The following MATR3 variants were observed in gnomAD, a reference collection of about 807,000 sequenced individuals.
MATR3 encodes the protein matrin-3.
MATR3 carries 4 observed loss-of-function variants against 85.5 expected under a neutral mutation model. That is an observed-to-expected ratio of 0.05 (90% CI 0.02 to 0.11). The LOEUF is 0.11. Among genes scored for constraint, MATR3 ranks in the 10% least tolerant of loss-of-function variants. The pLI, the probability that MATR3 is intolerant of heterozygous loss-of-function variation, is 1.00. For synonymous variants in MATR3, 336 were observed against 343.1 expected (o/e 0.98, Z 0.23); for missense variants, 685 against 1,016.1 (o/e 0.67, Z 4.43).
upstream of MATR3, among the ~76,000 whole-genome samples, chr5:139,290,660 T>C (rs563804829): frequency 6.6e-6 from 1 of 151,932 alleles, no homozygotes; most frequent in East Asian, 1.9e-4. Flanking sequence ...ATGTTGCCTA[T>C]GATGGTCTTG....
chr5:139,315,548 T>G, intron 3 of MATR3, 149 bp from the exon 4 acceptor site: 1 of 570,018 alleles, frequency 1.8e-6, no homozygotes, highest in South Asian at 2.5e-5. Flanking sequence ...TTTTGAAATA[T>G]CTATTGGAAA....
At chr5:139,321,830 CATA>C in intron 9 of MATR3, 65 bp from the exon 10 acceptor site, 15 of 1,515,636 alleles carry the variant, frequency 9.9e-6, no homozygotes, top group Non-Finnish European at 1.4e-5. Flanking sequence ...AGGTAGAATA[CATA>C]ATAAGGTTTT....
chr5:139,329,197 T>G, intron 14 of MATR3, 148 bp from the exon 15 acceptor site: 1 of 638,570 alleles, frequency 1.6e-6, no homozygotes, highest in South Asian at 1.7e-5. Context: ...TTTTGTGTGC[T>G]AATGAGGATT....
intron 1 of MATR3, among the ~76,000 whole-genome samples, chr5:139,297,945 GAAGGA>G (rs535986486): frequency 9.1e-4 from 139 of 152,338 alleles, no homozygotes; most frequent in African/African-American, 3.2e-3. Flanking sequence ...TGCCTGTGGA[GAAGGA>G]GAGAGTAGTT....
intron 3 of MATR3, among the ~76,000 whole-genome samples, chr5:139,281,368 T>G (rs1391063462): frequency 4.1e-5 from 6 of 146,874 alleles, no homozygotes; most frequent in Non-Finnish European, 6.0e-5. Flanking sequence ...TTTTTTTTTT[T>G]TTTTTGCTCT....
chr5:139,279,189 G>A (rs1231584885), intron 3 of MATR3: 1 of 453,240 alleles, frequency 2.2e-6, no homozygotes, highest in African/African-American at 2.0e-5. Flanking sequence ...GATGGGGGTA[G>A]GGGACTTAAA....
intron 9 of MATR3, among the ~76,000 whole-genome samples, chr5:139,321,063 AC>A (rs1755541797): frequency 6.7e-6 from 1 of 150,336 alleles, no homozygotes; most frequent in Non-Finnish European, 1.5e-5. Flanking sequence ...CCAGCTTATT[AC>A]TTTTTTGCAG....
Position 139,308,040 on chromosome 5 carries a change from C to G in MATR3, c.625C>G (p.Gln209Glu). ...VLDYDHGSRS[Q>E]ESGYYDRMDY... ...TGATTATGACCATGGAAGTCGTTCT[C>G]AAGAATCTGGTTATTATGACAGAAT... The change falls in exon 2 of 15, where the codon CAA becomes GAA. Residue 209 changes from glutamine to glutamate, a missense_variant. Transcript: ENST00000394805. The G allele has an allele frequency of 6.2e-7, 1 of 1,614,076 alleles. No homozygotes were observed.
rs79271148 is a variant in MATR3 at position 139,298,087 on chromosome 5, C to T, written c.-178+4282C>T. Among the ~76,000 whole-genome samples, 289 of 152,306 alleles carry T rather than the reference C, an allele frequency of 1.9e-3. 1 individual carries two copies. The highest frequency in any genetic ancestry group is 2.8e-3 in the Non-Finnish European group (190 of 68,032). On this transcript the variant is annotated intron_variant, in intron 1 of 14. Transcript: ENST00000394805. ...TAGGGAGCAGTATTATCTGCATTTA[C>T]TTCATGAAGATGCATAACTTTCAGA...
upstream of MATR3, among the ~76,000 whole-genome samples, chr5:139,293,072 C>G (rs1436639228): frequency 2.6e-5 from 4 of 152,038 alleles, no homozygotes; most frequent in African/African-American, 7.2e-5. Flanking sequence ...GGCAAAATAA[C>G]GAGACACCAT....
chr5:139,316,489 A>C (rs1056334724), intron 5 of MATR3, among the ~76,000 whole-genome samples: 1 of 151,672 alleles, frequency 6.6e-6, no homozygotes, highest in African/African-American at 2.4e-5. Context: ...CAGGTGGACT[A>C]CCCGCCTCAG....
intron 4 of MATR3, 23 bp from the exon 5 acceptor site, chr5:139,316,053 A>C: frequency 6.7e-7 from 1 of 1,503,714 alleles, no homozygotes. Flanking sequence ...TATGATTTAT[A>C]TTTTATGTCT....
intron 9 of MATR3, among the ~76,000 whole-genome samples, chr5:139,320,702 TTTTA>T (rs1755514343): frequency 6.6e-6 from 1 of 151,886 alleles, no homozygotes; most frequent in African/African-American, 2.4e-5. Context: ...TCTTCCAGAC[TTTTA>T]TTTTTCTTAC....
At chr5:139,278,695 T>C (rs935001378) in intron 2 of MATR3, 4 of 446,054 alleles carry the variant, frequency 9.0e-6, no homozygotes, top group African/African-American at 6.0e-5. Context: ...CACGCCTGTT[T>C]TGCAGTCAAT....
At chr5:139,302,083 C>T (rs1004309461) in intron 1 of MATR3, among the ~76,000 whole-genome samples, 1 of 152,148 alleles carries the variant, frequency 6.6e-6, no homozygotes, top group Non-Finnish European at 1.5e-5. Context: ...ACTTTTTTAT[C>T]TTTTCTATTG....
At chr5:139,294,122 C>T (rs756162843) in intron 1 of MATR3, 17 of 1,153,742 alleles carry the variant, frequency 1.5e-5, no homozygotes, top group Admixed American at 4.1e-5. Context: ...GGCCGAGCTT[C>T]CTGCGCGTCC....
chr5:139,295,652 A>T (rs1754109735), intron 1 of MATR3, among the ~76,000 whole-genome samples: 1 of 152,228 alleles, frequency 6.6e-6, no homozygotes, highest in South Asian at 2.1e-4. Context: ...CGCTAATATT[A>T]CAAGTCAGTT....
Position 139,331,615 on chromosome 5 carries a change from C to T in MATR3, c.*2220C>T, listed in dbSNP as rs1262866891. On this transcript the variant is annotated 3_prime_UTR_variant, in exon 15 of 15. Transcript: ENST00000394805. ...AAGAACATTTTTCCTACGGCTATGTCAGCCCTTAGTTTAATCTTACATTAT... is the reference window on the plus strand; with the variant it reads ...AAGAACATTTTTCCTACGGCTATGTTAGCCCTTAGTTTAATCTTACATTAT... 1 of 454,040 alleles carries T rather than the reference C, an allele frequency of 2.2e-6. No individual in the cohort carries two copies. The allele number at this position is 454,040 out of a possible 1,614,324, so 28.1% of individuals were successfully genotyped here. A position where few individuals can be genotyped will look rare whatever the true frequency, so the allele number is the denominator to read the frequency against.
intron 7 of MATR3, 58 bp downstream of exon 7, chr5:139,317,779 A>G: frequency 1.4e-6 from 2 of 1,433,804 alleles, no homozygotes; most frequent in Non-Finnish European, 1.9e-6. Flanking sequence ...TATGTTCTGC[A>G]AGAATTAAAT....
Sources: gnomAD v4.1 joint callset for allele counts (sites outside exome capture counted in the v4.1 genomes callset) on GRCh38, gnomAD v4.1.1 for gene constraint, MANE v1.5 for transcripts, NCBI Gene and HGNC (gene_info 2026-07-23, HGNC 2026-07-21) for gene names.